ADAMTS17: variants seen among roughly 807,000 people sequenced by gnomAD.
ADAMTS17 encodes A disintegrin and metalloproteinase with thrombospondin motifs 17.
ADAMTS17 carries 113 observed loss-of-function variants against 141.5 expected under a neutral mutation model. The ratio of observed to expected loss-of-function variants is 0.80; its 90% CI spans 0.69 to 0.93. The LOEUF (loss-of-function observed/expected upper bound fraction) is 0.93, where lower values mean the gene tolerates loss of function less well. Among genes scored for constraint, ADAMTS17 ranks in the 40% least tolerant of loss-of-function variants. ADAMTS17 has a pLI of 0.00. For missense variants in ADAMTS17, 1,659 were observed against 1,517.9 expected, an observed-to-expected ratio of 1.09 and a Z score of -1.54; for synonymous variants, 768 against 630.6, an observed-to-expected ratio of 1.22 and a Z score of -3.27.
chr15:100,133,510 C>T (rs1368976443), intron 10 of ADAMTS17, among the ~76,000 whole-genome samples, 195 bp from the exon 11 acceptor site: 1 of 152,166 alleles, frequency 6.6e-6, no homozygotes, highest in Non-Finnish European at 1.5e-5. Context: ...CAACAAAATT[C>T]TGTGCATCTA....
intron 2 of ADAMTS17, among the ~76,000 whole-genome samples, chr15:100,334,036 C>T (rs1311309677): frequency 2.0e-5 from 3 of 152,128 alleles, no homozygotes; most frequent in Non-Finnish European, 4.4e-5. Flanking sequence ...CAGGCAATAA[C>T]TTGATATTTC....
intron 9 of ADAMTS17, among the ~76,000 whole-genome samples, chr15:100,152,978 T>G (rs1055815678): frequency 4.6e-5 from 1 of 21,966 alleles, no homozygotes; most frequent in African/African-American, 7.9e-5. Flanking sequence ...GCTCTGAAGG[T>G]AGTAAGAACC....
chr15:100,276,422 TGTGGGTGCCTGGTGGGAGGGTGGGAGGGG>T lies in ADAMTS17; in HGVS notation c.789+4778_789+4806del, dbSNP rs1567472063. On this transcript the variant is annotated intron_variant, in intron 4 of 21. Coordinates refer to ENST00000268070, the MANE Select transcript of ADAMTS17 (RefSeq NM_139057.4). ...GGTGCCTGGTGGGAGGGTGGGAGGG[TGTGGGTGCCTGGTGGGAGGGTGGGAGGGG>T]GTGGGTGCCTGGTGGGAGGGAGTGG... is the stretch of plus-strand genomic sequence containing the variant. Among the ~76,000 whole-genome samples the T allele has an allele frequency of 8.3e-3, 149 of 17,992 alleles. 1 individual carries two copies. Among genetic ancestry groups the T allele is most frequent in the East Asian group, 0.032 (20 of 620 alleles). The allele number at this position is 17,992 out of a possible 152,430, so 11.8% of individuals were successfully genotyped here.
intron 9 of ADAMTS17, among the ~76,000 whole-genome samples, chr15:100,153,015 G>A (rs898793245): frequency 6.6e-6 from 1 of 152,186 alleles, no homozygotes; most frequent in African/African-American, 2.4e-5. Context: ...GCATAGGAAC[G>A]ACATCCACAA....
intron 3 of ADAMTS17, among the ~76,000 whole-genome samples, chr15:100,295,371 G>T (rs2044772773): frequency 6.6e-6 from 1 of 152,158 alleles, no homozygotes; most frequent in Non-Finnish European, 1.5e-5. Context: ...TCAATAGGGG[G>T]CACTAGAGGG....
At chr15:100,258,104 T>C (rs1176321353) in intron 6 of ADAMTS17, among the ~76,000 whole-genome samples, 2 of 152,252 alleles carry the variant, frequency 1.3e-5, no homozygotes, top group East Asian at 1.9e-4. Context: ...GCATATCTGT[T>C]TACCCATTCA....
intron 7 of ADAMTS17, among the ~76,000 whole-genome samples, chr15:100,233,897 G>A (rs748642670): frequency 3.3e-5 from 5 of 152,110 alleles, no homozygotes; most frequent in Admixed American, 6.5e-5. Flanking sequence ...AGGTTGGCAG[G>A]AGAACCCTGG....
intron 13 of ADAMTS17, 121 bp downstream of exon 13, chr15:100,116,726 G>T: frequency 7.4e-7 from 1 of 1,360,372 alleles, no homozygotes; most frequent in Non-Finnish European, 1.0e-6. Context: ...CTGGGCAGAG[G>T]ACTGGAGTGT....
rs533738813 is a variant in ADAMTS17, at chr15:99,972,960, A to T, written c.*1442T>A. On this transcript the variant is annotated 3_prime_UTR_variant, in exon 22 of 22. Transcript: ENST00000268070. ...AGTCCAAGTGAGACCTTCCGTCTGA[A>T]ATCAGGGAGGAGGTGTTATTTACGG... 1 of 152,308 alleles carries T rather than the reference A, an allele frequency of 6.6e-6. No individual in the cohort carries two copies. The highest frequency in any genetic ancestry group is 1.9e-4 in the East Asian group (1 of 5,176). The allele number at this position is 152,308 out of a possible 1,614,324, so 9.4% of individuals were successfully genotyped here.
At chr15:100,191,930 G>T (rs1450187831) in intron 8 of ADAMTS17, among the ~76,000 whole-genome samples, 1 of 152,148 alleles carries the variant, frequency 6.6e-6, no homozygotes, top group Admixed American at 6.5e-5. Context: ...GAAGAACCCT[G>T]CAAGTCTCAC....
intron 15 of ADAMTS17, among the ~76,000 whole-genome samples, chr15:100,061,048 C>G (rs1028906047): frequency 3.9e-5 from 6 of 152,312 alleles, no homozygotes; most frequent in Middle Eastern, 6.8e-3. Flanking sequence ...GCTCCAACCT[C>G]CCACGGAGGC....
chr15:100,320,085 A>C (rs2045686232), intron 3 of ADAMTS17, among the ~76,000 whole-genome samples: 1 of 152,242 alleles, frequency 6.6e-6, no homozygotes, highest in Admixed American at 6.5e-5. Context: ...ACTCAGTAGA[A>C]GATTAAATGG....
intron 12 of ADAMTS17, among the ~76,000 whole-genome samples, chr15:100,125,746 G>A (rs1018555171): frequency 3.9e-5 from 6 of 152,104 alleles, no homozygotes; most frequent in African/African-American, 7.2e-5. Context: ...CTAGGGAGTC[G>A]CTTTGGAAAC....
At chr15:100,118,307 C>T (rs2037267810) in intron 12 of ADAMTS17, among the ~76,000 whole-genome samples, 1 of 152,278 alleles carries the variant, frequency 6.6e-6, no homozygotes, top group South Asian at 2.1e-4. Flanking sequence ...ACGGGCCTTA[C>T]TTTTGCCAAC....
chr15:99,978,830 A>C (rs1476454132), intron 20 of ADAMTS17: 1 of 152,198 alleles, frequency 6.6e-6, no homozygotes, highest in Non-Finnish European at 1.5e-5. Context: ...GGGTCCCAAG[A>C]CCCAGAGCTC....
At chr15:100,228,654 C>T (rs1190434706) in intron 7 of ADAMTS17, among the ~76,000 whole-genome samples, 2 of 152,184 alleles carry the variant, frequency 1.3e-5, no homozygotes, top group African/African-American at 2.4e-5. Flanking sequence ...CAGGTGAGGG[C>T]ATGAAACGTC....
chr15:100,251,296 A>G (rs553368636), intron 7 of ADAMTS17, among the ~76,000 whole-genome samples: 4 of 152,238 alleles, frequency 2.6e-5, no homozygotes, highest in African/African-American at 4.8e-5. Context: ...ATATGAGGAC[A>G]TAAGATGCTC....
At chr15:100,041,705 A>C (rs1443538391) in intron 18 of ADAMTS17, among the ~76,000 whole-genome samples, 1 of 152,182 alleles carries the variant, frequency 6.6e-6, no homozygotes, top group Non-Finnish European at 1.5e-5. Flanking sequence ...GCCATCTGCC[A>C]TGCGTGTCAG....
At chr15:100,334,645 G>A (rs530187606) in intron 2 of ADAMTS17, among the ~76,000 whole-genome samples, 1 of 152,260 alleles carries the variant, frequency 6.6e-6, no homozygotes, top group Non-Finnish European at 1.5e-5. Context: ...GCTCCCCCAC[G>A]CAACACGGCC....
Sources: gnomAD v4.1 joint callset for allele counts (sites outside exome capture counted in the v4.1 genomes callset) on GRCh38, gnomAD v4.1.1 for gene constraint, MANE v1.5 for transcripts, NCBI Gene and HGNC (gene_info 2026-07-23, HGNC 2026-07-21) for gene names.